KCNAB2: variants seen among roughly 807,000 people sequenced by gnomAD.
KCNAB2 encodes the protein voltage-gated potassium channel subunit beta-2.
Under a neutral mutation model 63.6 loss-of-function variants are expected in KCNAB2, and 29 were observed. The observed-to-expected ratio is 0.46, with a 90% CI of 0.34 to 0.62. The LOEUF (loss-of-function observed/expected upper bound fraction) is 0.62, where lower values mean the gene tolerates loss of function less well. Ranked by LOEUF, KCNAB2 falls within the 20% of genes least tolerant of loss-of-function variation. KCNAB2 has a pLI of 0.01. For synonymous variants in KCNAB2, 222 were observed against 224.2 expected (o/e 0.99, Z 0.09); for missense variants, 359 against 563.9 (o/e 0.64, Z 3.68).
At chr1:6,026,852 A>T (rs1210851738) in intron 1 of KCNAB2, among the ~76,000 whole-genome samples, 1 of 151,924 alleles carries the variant, frequency 6.6e-6, no homozygotes, top group Non-Finnish European at 1.5e-5. Context: ...GCTCCTGGGG[A>T]GAGCCCTGCC....
At position 6,100,012 on chromosome 1, in the gene KCNAB2, C is replaced by T. The variant is rs115677334; in HGVS notation, c.*1438C>T. The T allele has an allele frequency of 3.0e-4, 464 of 1,536,892 alleles. 1 individual carries two copies. The African/African-American group carries it at 5.0e-3, about 17-fold the overall frequency. On this transcript the variant is annotated 3_prime_UTR_variant, in exon 16 of 16. Transcript: ENST00000378083. ...CACTGAAGCCACCCCCACCCCTCGC[C>T]AGCTAGCTCCATAGGGAAGCCTGTG... is the stretch of plus-strand genomic sequence containing the variant.
intron 1 of KCNAB2, among the ~76,000 whole-genome samples, chr1:6,012,452 A>T (rs369102371): frequency 2.6e-4 from 4 of 15,106 alleles, no homozygotes; most frequent in African/African-American, 7.8e-4. Context: ...AGATGGAGGT[A>T]GTGGTGGAGG....
upstream of KCNAB2, among the ~76,000 whole-genome samples, chr1:6,029,741 G>A (rs1008602627): frequency 6.6e-6 from 1 of 152,216 alleles, no homozygotes; most frequent in Non-Finnish European, 1.5e-5. Flanking sequence ...CCAGCACATG[G>A]CAGAGCCAGT....
At chr1:6,046,600 G>A (rs2100500696) in intron 1 of KCNAB2, among the ~76,000 whole-genome samples, 1 of 152,386 alleles carries the variant, frequency 6.6e-6, no homozygotes. Context: ...GTCTGTGCAG[G>A]AAGCACGTGC....
intron 1 of KCNAB2, among the ~76,000 whole-genome samples, chr1:6,014,845 T>C (rs377322272): frequency 1.3e-5 from 2 of 152,222 alleles, no homozygotes; most frequent in South Asian, 4.1e-4. Flanking sequence ...GTTTCCTCTT[T>C]GACCTGAAGG....
At position 6,035,020 on chromosome 1, in the gene KCNAB2, C is replaced by T. The variant is rs115247000; in HGVS notation, c.-53+226C>T. The stretch of plus-strand genomic sequence containing the variant: ...GAGGGACCAGGGAGTGTGGGGGAGA[C>T]GGGGACTGCGATGAAAGGGAGGCGT... On this transcript the variant is annotated intron_variant, in intron 1 of 15. Coordinates refer to the KCNAB2 transcript ENST00000164247. This position sits in a 1 kb window ranked among gnomAD's most constrained non-coding sequence, Gnocchi z 5.0. Among the ~76,000 whole-genome samples the T allele has an allele frequency of 7.9e-3, 1,199 of 152,106 alleles. 10 individuals are homozygous for T. The highest frequency in any genetic ancestry group is 0.016 in the South Asian group (78 of 4,810).
At chr1:6,018,612 TA>T (rs1465463198) in intron 1 of KCNAB2, 1 of 152,232 alleles carries the variant, frequency 6.6e-6, no homozygotes, top group Non-Finnish European at 1.5e-5. Flanking sequence ...GACGCCCAGC[TA>T]ATTTTTTTTA....
chr1:6,039,279 A>C (rs1295088), intron 1 of KCNAB2, among the ~76,000 whole-genome samples: 6 of 152,070 alleles, frequency 3.9e-5, no homozygotes, highest in Non-Finnish European at 7.4e-5. Context: ...TAGGGGCCTG[A>C]GGGGGCAGTG....
At chr1:6,058,998 C>T (rs6662300) in intron 2 of KCNAB2, among the ~76,000 whole-genome samples, 7 of 152,064 alleles carry the variant, frequency 4.6e-5, no homozygotes, top group Non-Finnish European at 8.8e-5. Flanking sequence ...GCCTCTCCAG[C>T]CCCAGCTTCC....
intron 2 of KCNAB2, among the ~76,000 whole-genome samples, chr1:6,062,962 A>G (rs765265603): frequency 6.6e-6 from 1 of 151,000 alleles, no homozygotes; most frequent in Non-Finnish European, 1.5e-5. Context: ...ATACCCTTCA[A>G]CTCTCACTCC....
chr1:6,028,187 G>T lies in KCNAB2; in HGVS notation c.-52-12330G>T, dbSNP rs983397073. 6.6e-6 allele frequency among the ~76,000 whole-genome samples: 1 copy of T among 152,250 alleles called. No individual in the cohort carries two copies. The highest frequency in any genetic ancestry group is 1.5e-5 in the Non-Finnish European group (1 of 68,046). ...ACCCTCTGCCATCAGATCCCACCCA[G>T]GGAAGGAATGGGCTCCTGTGTGGGC... On this transcript the variant is annotated intron_variant, in intron 1 of 16. Coordinates refer to the KCNAB2 transcript ENST00000341524. The surrounding 1 kb of genome is among the most constrained non-coding windows in gnomAD (Gnocchi z 4.0).
chr1:6,050,622 A>C (rs1661304082), intron 1 of KCNAB2, among the ~76,000 whole-genome samples: 2 of 152,220 alleles, frequency 1.3e-5, no homozygotes, highest in Non-Finnish European at 2.9e-5. Context: ...CAGCAGCACA[A>C]ATTCCCACTA....
At chr1:6,092,677 C>A (rs1665289123) in intron 10 of KCNAB2, among the ~76,000 whole-genome samples, 2 of 152,228 alleles carry the variant, frequency 1.3e-5, no homozygotes, top group African/African-American at 4.8e-5. Flanking sequence ...AGGTTCTCCT[C>A]AAACTTTCCC....
At position 6,051,637 on chromosome 1, in the gene KCNAB2, T is replaced by G; in HGVS notation, c.101T>G (p.Leu34Arg). 6.5e-7 allele frequency: 1 copy of G among 1,534,444 alleles called. No homozygotes were observed. Among genetic ancestry groups the G allele is most frequent in the Non-Finnish European group, 8.7e-7 (1 of 1,146,672 alleles). Residue 34 changes from leucine (L) to arginine (R), a missense_variant, in exon 2 of 16, where the codon CTG becomes CGG. This residue lies in a region of KCNAB2 where 88 missense variants were observed against 87.8 expected (regional missense o/e 1.00). Transcript: ENST00000378083. ...GTCCGCCAGACGGACACGCTGGAAC[T>G]GCAGCGGCTGCGGGAGGTGCGGGCG... ...HPVRQTDTLE[L>R]QRLREVRAAA...
chr1:6,016,633 G>A (rs1658516104), intron 1 of KCNAB2, among the ~76,000 whole-genome samples: 1 of 152,252 alleles, frequency 6.6e-6, no homozygotes, highest in African/African-American at 2.4e-5. Flanking sequence ...TGCATCTGTA[G>A]GAAGGCTTTG....
intron 1 of KCNAB2, 90 bp from the exon 2 acceptor site, chr1:6,051,421 G>A (rs1661370720): frequency 1.4e-5 from 20 of 1,387,196 alleles, no homozygotes; most frequent in Admixed American, 6.1e-5. Flanking sequence ...AGGATGTTTC[G>A]CTGCAGCTGC....
chr1:6,046,618 G>A lies in KCNAB2; in HGVS notation c.-27+435G>A, dbSNP rs138676426. ...TGTGCAGGAAGCACGTGCTGAGGGA[G>A]CCAGGGGCTGCTTGTTTGGGCCTCA... On this transcript the variant is annotated intron_variant, in intron 1 of 15. Coordinates refer to ENST00000378083, the MANE Select transcript of KCNAB2 (RefSeq NM_001199862.2). Among the ~76,000 whole-genome samples the A allele has an allele frequency of 7.2e-3, 1,091 of 152,358 alleles. 6 individuals carry two copies. The highest frequency in any genetic ancestry group is 0.024 in the Middle Eastern group (7 of 294).
intron 1 of KCNAB2, among the ~76,000 whole-genome samples, chr1:6,023,026 G>A (rs1658937528): frequency 6.6e-6 from 1 of 152,008 alleles, no homozygotes; most frequent in African/African-American, 2.4e-5. Flanking sequence ...GGGATTACAG[G>A]TGCCTGCCAT....
At chr1:6,030,339 G>T (rs1412313252), upstream of KCNAB2, among the ~76,000 whole-genome samples, 1 of 152,200 alleles carries the variant, frequency 6.6e-6, no homozygotes, top group Non-Finnish European at 1.5e-5. Flanking sequence ...GATCATGGCA[G>T]AGGTTCAGGG....
Sources: gnomAD v4.1 joint callset for allele counts (sites outside exome capture counted in the v4.1 genomes callset) on GRCh38, gnomAD v4.1.1 for gene constraint, gnomAD v4.1.1 regional missense constraint, Gnocchi (gnomAD v3.1) non-coding constraint, MANE v1.5 for transcripts, NCBI Gene and HGNC (gene_info 2026-07-23, HGNC 2026-07-21) for gene names.